CDH13: variants seen among roughly 807,000 people sequenced by gnomAD.
CDH13 encodes cadherin 13, also known as cadherin-13.
CDH13 carries 24 observed loss-of-function variants against 63.8 expected under a neutral mutation model. That is an observed-to-expected ratio of 0.38 (90% CI 0.27 to 0.53). The LOEUF (loss-of-function observed/expected upper bound fraction) is 0.53, where lower values mean the gene tolerates loss of function less well. Among genes scored for constraint, CDH13 ranks in the 20% least tolerant of loss-of-function variants. CDH13 has a pLI of 0.85. For missense variants in CDH13, 1,049 were observed against 903.1 expected (o/e 1.16, Z -2.07); for synonymous variants, 503 against 355.3 (o/e 1.42, Z -4.67).
intron 3 of CDH13, among the ~76,000 whole-genome samples, chr16:83,044,540 C>G (rs1917605437): frequency 6.6e-6 from 1 of 152,200 alleles, no homozygotes; most frequent in African/African-American, 2.4e-5. Flanking sequence ...ATGTAAATTT[C>G]TCCCAGGCCA....
chr16:83,004,617 C>T (rs1039372746), intron 2 of CDH13, among the ~76,000 whole-genome samples: 3 of 152,098 alleles, frequency 2.0e-5, no homozygotes, highest in Non-Finnish European at 1.5e-5. Flanking sequence ...CGTGCCTCAG[C>T]TTCCCAAGCA....
At chr16:83,730,586 C>G (rs540104996) in intron 10 of CDH13, among the ~76,000 whole-genome samples, 3 of 152,300 alleles carry the variant, frequency 2.0e-5, no homozygotes, top group Admixed American at 1.3e-4. Context: ...TTAAAAAATT[C>G]ATACAATTGA....
chr16:83,376,311 G>T (rs1472954274), intron 6 of CDH13, among the ~76,000 whole-genome samples: 1 of 152,172 alleles, frequency 6.6e-6, no homozygotes, highest in East Asian at 1.9e-4. Context: ...ACTCAAAGGG[G>T]CTTGTGCCTA....
intron 1 of CDH13, among the ~76,000 whole-genome samples, chr16:82,668,811 G>A (rs1912909019): frequency 6.6e-6 from 1 of 152,200 alleles, no homozygotes; most frequent in African/African-American, 2.4e-5. Flanking sequence ...GGAAAAGCAA[G>A]GAGTGACGAT....
At chr16:82,888,762 A>C (rs1022729960) in intron 2 of CDH13, among the ~76,000 whole-genome samples, 4 of 152,192 alleles carry the variant, frequency 2.6e-5, no homozygotes, top group Admixed American at 6.5e-5. Context: ...CCCTAAGTGT[A>C]GTTAAGCCCC....
intron 10 of CDH13, among the ~76,000 whole-genome samples, chr16:83,730,239 C>A (rs1280943049): frequency 6.6e-6 from 1 of 152,154 alleles, no homozygotes; most frequent in Non-Finnish European, 1.5e-5. Context: ...ATGCATTATT[C>A]TAAGGCCCTC....
rs184284915 is a variant in CDH13, at chr16:82,974,270, G to A, written c.158-57740G>A. On this transcript the variant is annotated intron_variant, in intron 2 of 13. Coordinates refer to ENST00000567109, the MANE Select transcript of CDH13 (RefSeq NM_001257.5). ...TTCTTTGTAAGATGCATTCATGTCA[G>A]GGTGCAAACATCCAGGCTGTTATTT... Among the ~76,000 whole-genome samples the A allele has an allele frequency of 1.2e-3, 181 of 152,228 alleles. 1 individual carries two copies. The highest frequency in any genetic ancestry group is 3.1e-3 in the Admixed American group (47 of 15,286).
chr16:82,704,070 T>C (rs183431415), intron 1 of CDH13, among the ~76,000 whole-genome samples: 1 of 152,194 alleles, frequency 6.6e-6, no homozygotes, highest in East Asian at 1.9e-4. Context: ...CTGCCACAGC[T>C]GAAAAAGCCT....
chr16:83,699,838 A>T (rs751288057), intron 10 of CDH13, among the ~76,000 whole-genome samples: 22 of 152,170 alleles, frequency 1.4e-4, no homozygotes, highest in Non-Finnish European at 2.5e-4. Flanking sequence ...CACAAGGCAC[A>T]TCATCCCAGC....
chr16:83,440,787 A>G (rs758296116), intron 6 of CDH13, among the ~76,000 whole-genome samples: 4,284 of 90,348 alleles, frequency 0.047, 75 homozygotes, highest in East Asian at 0.32. Flanking sequence ...TTCATCTCAA[A>G]AAAAAAAAAA....
intron 6 of CDH13, among the ~76,000 whole-genome samples, chr16:83,436,696 T>G (rs1476216060): frequency 6.6e-6 from 1 of 152,218 alleles, no homozygotes; most frequent in African/African-American, 2.4e-5. Context: ...CCATGTGTAA[T>G]CCCAGTTTTC....
chr16:82,803,244 G>A (rs1053212871), intron 1 of CDH13, among the ~76,000 whole-genome samples: 9 of 152,208 alleles, frequency 5.9e-5, no homozygotes, highest in Admixed American at 4.6e-4. Context: ...CCACAAAGAC[G>A]TGGAGAGGTA....
At chr16:83,084,480 G>A (rs1216795277) in intron 3 of CDH13, among the ~76,000 whole-genome samples, 3 of 152,178 alleles carry the variant, frequency 2.0e-5, no homozygotes, top group African/African-American at 7.2e-5. Context: ...CTCGAAAACA[G>A]TTGTCCTTTG....
chr16:82,774,938 A>C (rs1352834204), intron 1 of CDH13, among the ~76,000 whole-genome samples: 1 of 152,228 alleles, frequency 6.6e-6, no homozygotes, highest in African/African-American at 2.4e-5. Context: ...CTTGGCGGTT[A>C]AATGCTTTGA....
chr16:83,159,995 G>C (rs12923518), intron 4 of CDH13, among the ~76,000 whole-genome samples: 5,592 of 152,034 alleles, frequency 0.037, 128 homozygotes, highest in East Asian at 0.1. Flanking sequence ...AGAATTGCTT[G>C]AACCCAGGAG....
chr16:83,250,693 C>G (rs755983743), intron 5 of CDH13, among the ~76,000 whole-genome samples: 11 of 152,070 alleles, frequency 7.2e-5, no homozygotes, highest in Non-Finnish European at 1.5e-4. Context: ...GTGAATAAAT[C>G]CAAGAGGAAA....
chr16:83,491,268 G>C (rs1243911735), intron 7 of CDH13, among the ~76,000 whole-genome samples: 3 of 152,138 alleles, frequency 2.0e-5, no homozygotes, highest in African/African-American at 7.2e-5. Context: ...AGTGTTTGGG[G>C]AGATGTTTGC....
chr16:83,452,583 C>G (rs995051681), intron 6 of CDH13, among the ~76,000 whole-genome samples: 15 of 152,094 alleles, frequency 9.9e-5, no homozygotes, highest in South Asian at 4.2e-4. Context: ...GTACTTGTTT[C>G]CTGCCCAGCA....
chr16:82,758,983 A>G (rs1281627113), intron 1 of CDH13, among the ~76,000 whole-genome samples: 1 of 152,164 alleles, frequency 6.6e-6, no homozygotes, highest in African/African-American at 2.4e-5. Flanking sequence ...CACCTAGTCA[A>G]GGTAGACAGT....
Sources: allele counts gnomAD v4.1 joint callset (sites outside exome capture counted in the v4.1 genomes callset), GRCh38; gene constraint gnomAD v4.1.1; transcripts MANE v1.5; gene names NCBI Gene and HGNC (gene_info 2026-07-23, HGNC 2026-07-21).